Variants in MRE11 observed in about 807,000 individuals in gnomAD.
MRE11 encodes double-strand break repair protein MRE11.
MRE11 carries 62 observed loss-of-function variants against 91.7 expected under a neutral mutation model. The ratio of observed to expected loss-of-function variants is 0.68; its 90% CI spans 0.55 to 0.84. The LOEUF (loss-of-function observed/expected upper bound fraction) is 0.84, where lower values mean the gene tolerates loss of function less well. MRE11 is among the 40% of genes least tolerant of loss of function. The pLI is 0.00. For synonymous variants in MRE11, 273 were observed against 271.4 expected, an observed-to-expected ratio of 1.01 and a Z score of -0.06; for missense variants, 796 against 852.9, an observed-to-expected ratio of 0.93 and a Z score of 0.83.
At chr11:94,436,223 G>A (rs1027156737) in intron 17 of MRE11, among the ~76,000 whole-genome samples, 5 of 152,208 alleles carry the variant, frequency 3.3e-5, no homozygotes, top group South Asian at 2.1e-4. Flanking sequence ...CTTATGAGAG[G>A]TGAGACCATC....
At chr11:94,482,778 G>A (rs551098969) in intron 4 of MRE11, among the ~76,000 whole-genome samples, 4 of 151,954 alleles carry the variant, frequency 2.6e-5, no homozygotes, top group South Asian at 4.2e-4. Flanking sequence ...TACTAAAAAC[G>A]CATAAAAAAA....
Position 94,459,440 on chromosome 11 carries a change from T to C in MRE11, c.1468A>G (p.Ile490Val), listed in dbSNP as rs1591672267. The C allele has an allele frequency of 1.9e-6, 3 of 1,614,030 alleles. No homozygotes were observed. The highest frequency in any genetic ancestry group is 2.5e-6 in the Non-Finnish European group (3 of 1,179,926). ...KTQRFLKERH[I>V]DALEDKIDEE... ...TCGATTTTGTCTTCGAGGGCATCAA[T>C]ATGACGTTCTTTAAGAAATCGCTGT... The change falls in exon 13 of 20, where the codon ATT becomes GTT. Residue 490 changes from isoleucine to valine, a missense_variant. Ile to Val is a conservative substitution (Grantham distance 29). Transcript: ENST00000323929.
At chr11:94,508,691 G>A in the MRE11 span, among the ~76,000 whole-genome samples, 2 of 151,394 alleles carry the variant, frequency 1.3e-5, no homozygotes, top group African/African-American at 2.4e-5. Flanking sequence ...TTATTATGTG[G>A]TAGTGTAGAT....
At chr11:94,443,118 T>C (rs999418641) in intron 16 of MRE11, among the ~76,000 whole-genome samples, 1 of 152,242 alleles carries the variant, frequency 6.6e-6, no homozygotes, top group African/African-American at 2.4e-5. Flanking sequence ...ATTTGATAAA[T>C]GTTGAAAATT....
At chr11:94,461,903 G>C (rs1023268153) in intron 11 of MRE11, among the ~76,000 whole-genome samples, 1 of 152,002 alleles carries the variant, frequency 6.6e-6, no homozygotes, top group African/African-American at 2.4e-5. Flanking sequence ...GTGAAACCCC[G>C]TCTCTACTAA....
the MRE11 span, among the ~76,000 whole-genome samples, chr11:94,503,826 C>CAAAAAAAAA: frequency 1.1e-5 from 1 of 87,266 alleles, no homozygotes; most frequent in Non-Finnish European, 2.1e-5. Flanking sequence ...GACTCCGTCT[C>CAAAAAAAAA]AAAAAAAAAA....
At chr11:94,465,670 A>G (rs1266357592) in intron 10 of MRE11, among the ~76,000 whole-genome samples, 1 of 152,192 alleles carries the variant, frequency 6.6e-6, no homozygotes, top group Non-Finnish European at 1.5e-5. Context: ...TGCTGGGATT[A>G]CAGGCGTGAG....
chr11:94,453,542 T>C (rs1273976305), intron 14 of MRE11, among the ~76,000 whole-genome samples: 1 of 152,148 alleles, frequency 6.6e-6, no homozygotes, highest in Non-Finnish European at 1.5e-5. Context: ...CTCACTGTGG[T>C]TTTGATTTGC....
intron 6 of MRE11, 119 bp downstream of exon 6, chr11:94,478,616 C>G: frequency 8.8e-7 from 1 of 1,142,042 alleles, no homozygotes; most frequent in South Asian, 1.5e-5. Flanking sequence ...TTTTTATAGT[C>G]ACCAATAAAG....
intron 13 of MRE11, among the ~76,000 whole-genome samples, chr11:94,456,807 T>G (rs995029500): frequency 2.6e-5 from 4 of 152,180 alleles, no homozygotes; most frequent in Admixed American, 2.6e-4. Flanking sequence ...AGTCAACTCA[T>G]GAAGGTTTGC....
chr11:94,435,553 C>G (rs1234352481), intron 18 of MRE11, among the ~76,000 whole-genome samples: 1 of 151,786 alleles, frequency 6.6e-6, no homozygotes, highest in African/African-American at 2.4e-5. Context: ...GAGGCACTGT[C>G]TCAAAAAATA....
At chr11:94,491,311 C>T (rs1467008006) in intron 2 of MRE11, among the ~76,000 whole-genome samples, 1 of 152,262 alleles carries the variant, frequency 6.6e-6, no homozygotes, top group East Asian at 1.9e-4. Flanking sequence ...ATTTATCTGA[C>T]TTCGTACTCT....
intron 14 of MRE11, among the ~76,000 whole-genome samples, chr11:94,448,420 T>C (rs557747760): frequency 4.1e-5 from 6 of 145,982 alleles, no homozygotes; most frequent in Admixed American, 2.7e-4. Flanking sequence ...CCACCAAAAA[T>C]ACAAAAAAAA....
At chr11:94,439,279 C>T (rs1363253793) in intron 16 of MRE11, among the ~76,000 whole-genome samples, 3 of 151,890 alleles carry the variant, frequency 2.0e-5, no homozygotes, top group African/African-American at 7.2e-5. Context: ...CTGTCAGAGA[C>T]TTAAAAAAAA....
intron 14 of MRE11, among the ~76,000 whole-genome samples, chr11:94,450,617 C>T (rs935280179): frequency 3.3e-5 from 5 of 151,972 alleles, no homozygotes; most frequent in Non-Finnish European, 7.4e-5. Context: ...GAAAACAAAC[C>T]AGAGTCAAAA....
intron 19 of MRE11, among the ~76,000 whole-genome samples, chr11:94,420,959 G>C (rs991889509): frequency 1.3e-5 from 2 of 151,942 alleles, no homozygotes; most frequent in African/African-American, 4.8e-5. Flanking sequence ...GTGAAACTGG[G>C]AGGCAGAGCT....
At chr11:94,501,925 ATTGT>A in the MRE11 span, among the ~76,000 whole-genome samples, 4 of 152,162 alleles carry the variant, frequency 2.6e-5, no homozygotes, top group Non-Finnish European at 4.4e-5. Flanking sequence ...TCGAAATCAT[ATTGT>A]TTTTTTAAAA....
the MRE11 span, among the ~76,000 whole-genome samples, chr11:94,507,718 G>A: frequency 1.3e-5 from 2 of 151,926 alleles, no homozygotes; most frequent in African/African-American, 4.8e-5. Flanking sequence ...GTTTTAATTT[G>A]CATATTCCTG....
intron 19 of MRE11, among the ~76,000 whole-genome samples, chr11:94,424,433 G>T (rs1188561862): frequency 6.6e-6 from 1 of 152,122 alleles, no homozygotes; most frequent in Non-Finnish European, 1.5e-5. Context: ...AAGAATTCTG[G>T]CAATTCAAAA....
Sources: gnomAD v4.1 joint callset for allele counts (sites outside exome capture counted in the v4.1 genomes callset) on GRCh38, gnomAD v4.1.1 for gene constraint, MANE v1.5 for transcripts, NCBI Gene and HGNC (gene_info 2026-07-23, HGNC 2026-07-21) for gene names.